Variants in CLVS2 observed in about 807,000 individuals in gnomAD.
CLVS2 encodes the protein clavesin 2, also known as clavesin-2.
In CLVS2, 19 loss-of-function variants were observed where a neutral mutation model predicts 29.0. The ratio of observed to expected loss-of-function variants is 0.66; its 90% confidence interval spans 0.46 to 0.96. The LOEUF (loss-of-function observed/expected upper bound fraction) is 0.96, where lower values mean the gene tolerates loss of function less well. Ranked by LOEUF, CLVS2 falls within the 40% of genes least tolerant of loss-of-function variation. CLVS2 has a pLI of 0.00. For missense variants in CLVS2, 294 were observed against 404.1 expected (o/e 0.73, Z 2.34); for synonymous variants, 161 against 151.3 (o/e 1.06, Z -0.47).
intron 2 of CLVS2, among the ~76,000 whole-genome samples, chr6:123,000,735 G>T (rs2114294575): frequency 6.6e-6 from 1 of 152,264 alleles, no homozygotes; most frequent in Admixed American, 6.5e-5. Flanking sequence ...AAGCTACCTG[G>T]ATTTCTCCAG....
intron 3 of CLVS2, among the ~76,000 whole-genome samples, chr6:123,017,556 G>C (rs1176486470): frequency 6.6e-6 from 1 of 152,088 alleles, no homozygotes; most frequent in East Asian, 1.9e-4. Context: ...CTTCTTCTTA[G>C]TTGTTACTTA....
At chr6:123,047,618 T>C (rs1772536769) in intron 3 of CLVS2, among the ~76,000 whole-genome samples, 5 of 152,210 alleles carry the variant, frequency 3.3e-5, no homozygotes, top group South Asian at 2.1e-4. Context: ...CAAGAGAACA[T>C]TTAAATTGAA....
chr6:123,071,515 AG>A lies in CLVS2; in HGVS notation c.*7755del, dbSNP rs1235241560. 6.6e-6 allele frequency: 1 copy of A among 152,030 alleles called. No homozygotes were observed. The highest frequency in any genetic ancestry group is 1.5e-5 in the Non-Finnish European group (1 of 67,934). 9.4% of individuals were successfully genotyped at this position (152,030 alleles called of 1,614,324 possible). A position where few individuals can be genotyped will look rare whatever the true frequency, so the allele number is the denominator to read the frequency against. Reference sequence around the variant, plus strand: ...ATAGCTCAGGGGAAAAGTCATTTTGAGATTAAAACTACATGGAATTGTTCTT... The same window carrying A: ...ATAGCTCAGGGGAAAAGTCATTTTGAATTAAAACTACATGGAATTGTTCTT... On this transcript the variant is annotated 3_prime_UTR_variant, in exon 6 of 6. Coordinates refer to ENST00000275162, the MANE Select transcript of CLVS2 (RefSeq NM_001010852.4).
intron 3 of CLVS2, among the ~76,000 whole-genome samples, chr6:123,031,673 G>A (rs1217400816): frequency 6.6e-6 from 1 of 152,108 alleles, no homozygotes; most frequent in East Asian, 1.9e-4. Context: ...CCTCAATAGA[G>A]CTGGGGGAAA....
intron 2 of CLVS2, among the ~76,000 whole-genome samples, chr6:123,001,584 C>T (rs1774589964): frequency 6.6e-6 from 1 of 152,114 alleles, no homozygotes; most frequent in Non-Finnish European, 1.5e-5. Flanking sequence ...AAAGTAAATG[C>T]CATGGAATTA....
intron 2 of CLVS2, among the ~76,000 whole-genome samples, chr6:123,007,267 T>A (rs1275079321): frequency 6.6e-6 from 1 of 152,204 alleles, no homozygotes; most frequent in Non-Finnish European, 1.5e-5. Flanking sequence ...GTAGTTTACA[T>A]TCTGTCCTAT....
rs557874340 is a variant in CLVS2 at position 123,068,198 on chromosome 6, A to C, written c.*4437A>C. ...CTCAAATTAGCCTTTTTTTCAAGGA[A>C]GCAGGTGTACAAATGATGCTATTGA... On this transcript the variant is annotated 3_prime_UTR_variant, in exon 6 of 6. Coordinates refer to ENST00000275162, the MANE Select transcript of CLVS2 (RefSeq NM_001010852.4). 1 of 151,662 alleles carries C rather than the reference A, an allele frequency of 6.6e-6. No homozygotes were observed. The highest frequency in any genetic ancestry group is 2.1e-4 in the South Asian group (1 of 4,816). The allele number at this position is 151,662 out of a possible 1,614,324, so 9.4% of individuals were successfully genotyped here. A position where few individuals can be genotyped will look rare whatever the true frequency, so the allele number is the denominator to read the frequency against.
intron 2 of CLVS2, among the ~76,000 whole-genome samples, chr6:123,003,412 A>T (rs1223005184): frequency 1.3e-5 from 2 of 152,194 alleles, no homozygotes; most frequent in African/African-American, 4.8e-5. Flanking sequence ...TTTCTGTGGG[A>T]AATGTTAAAT....
intron 3 of CLVS2, among the ~76,000 whole-genome samples, chr6:123,014,320 C>T (rs4280987): frequency 0.73 from 111,212 of 151,972 alleles, 41,147 homozygotes; most frequent in East Asian, 0.91. Context: ...CTCTCCAGCA[C>T]CTGTTGTTTC....
In CLVS2 at chr6:123,048,737, T is replaced by G. The variant is rs369041534; in HGVS notation, c.675+5T>G. On this transcript the variant is annotated splice_donor_5th_base_variant and intron_variant, in intron 4 of 5. Transcript: ENST00000275162. The stretch of plus-strand genomic sequence containing the variant: ...AAGGAGAAAACTCGGAAAAGGGTAT[T>G]CTTTTCTTTGATTTTTAATCCTTTC... 3.8e-6 allele frequency: 6 copies of G among 1,575,022 alleles called. No homozygotes were observed. Among genetic ancestry groups the G allele is most frequent in the Non-Finnish European group, 5.2e-6 (6 of 1,144,658 alleles).
At chr6:123,012,138 C>G (rs1181695361) in intron 3 of CLVS2, among the ~76,000 whole-genome samples, 2 of 151,948 alleles carry the variant, frequency 1.3e-5, no homozygotes, top group African/African-American at 4.8e-5. Flanking sequence ...ATGTAGGCTT[C>G]CTGACTTGCT....
At chr6:123,043,024 T>C (rs1317580158) in intron 3 of CLVS2, among the ~76,000 whole-genome samples, 1 of 152,174 alleles carries the variant, frequency 6.6e-6, no homozygotes, top group East Asian at 1.9e-4. Context: ...ATAGTGATGT[T>C]CCTGAGGGAA....
chr6:123,008,789 A>G (rs1774707683), intron 2 of CLVS2, among the ~76,000 whole-genome samples: 1 of 151,924 alleles, frequency 6.6e-6, no homozygotes, highest in African/African-American at 2.4e-5. Context: ...ACAGTGTGTC[A>G]GGCCATTATG....
chr6:123,009,496 A>G (rs1774718747), intron 2 of CLVS2, among the ~76,000 whole-genome samples: 1 of 152,100 alleles, frequency 6.6e-6, no homozygotes, highest in African/African-American at 2.4e-5. Flanking sequence ...TTCTCCTAGC[A>G]CATCCAAGTG....
chr6:123,059,144 G>A (rs1772739023), intron 5 of CLVS2, among the ~76,000 whole-genome samples: 1 of 151,976 alleles, frequency 6.6e-6, no homozygotes, highest in Non-Finnish European at 1.5e-5. Flanking sequence ...CCGCCACCTG[G>A]AATGTTCTTT....
chr6:123,006,111 G>A (rs1774664295), intron 2 of CLVS2, among the ~76,000 whole-genome samples: 1 of 152,138 alleles, frequency 6.6e-6, no homozygotes, highest in South Asian at 2.1e-4. Flanking sequence ...GAGAGAGGGC[G>A]CTGAGGTCTC....
chr6:122,998,152 T>C lies in CLVS2; in HGVS notation c.375T>C (p.Asn125=), dbSNP rs374886044. 6.8e-6 allele frequency: 11 copies of C among 1,612,010 alleles called. No homozygotes were observed. Among genetic ancestry groups the C allele is most frequent in the Admixed American group, 3.3e-5 (2 of 59,988 alleles). ...GRKILVLFAA[N]WDQSRYTLVD... ...AGATTCTAGTCCTTTTTGCTGCCAA[T>C]TGGGATCAGAGCAGGTAAATCCTAA... Residue 125 remains asparagine (N), a synonymous_variant, in exon 2 of 6, where the codon AAT becomes AAC. Transcript: ENST00000275162.
rs188100688 is a variant in CLVS2, at chr6:123,010,398, A to T, written c.390-587A>T. On this transcript the variant is annotated intron_variant, in intron 2 of 5. Transcript: ENST00000275162. ...ACAACAAAAAAAGATCCAACCCTTG[A>T]ATTAGGATGGTTTGTATTATTGTAG... 4.0e-3 allele frequency among the ~76,000 whole-genome samples: 608 copies of T among 152,138 alleles called. 3 individuals are homozygous for T. The highest frequency in any genetic ancestry group is 6.8e-3 in the Non-Finnish European group (459 of 67,956).
At chr6:123,055,632 G>A (rs963083592) in intron 4 of CLVS2, among the ~76,000 whole-genome samples, 174 bp from the exon 5 acceptor site, 3 of 152,116 alleles carry the variant, frequency 2.0e-5, no homozygotes, top group Non-Finnish European at 4.4e-5. Context: ...TGATATATTA[G>A]GATAACAGTA....
Sources: gnomAD v4.1 joint callset for allele counts (sites outside exome capture counted in the v4.1 genomes callset) on GRCh38, gnomAD v4.1.1 for gene constraint, MANE v1.5 for transcripts, NCBI Gene and HGNC (gene_info 2026-07-23, HGNC 2026-07-21) for gene names.